NRXN1: variants seen among roughly 807,000 people sequenced by gnomAD.
NRXN1 encodes neurexin-1.
Under a neutral mutation model 150.9 loss-of-function variants are expected in NRXN1, and 39 were observed. The observed-to-expected ratio is 0.26, with a 90% CI of 0.20 to 0.34. The LOEUF (loss-of-function observed/expected upper bound fraction) is 0.34, where lower values mean the gene tolerates loss of function less well. Ranked by LOEUF, NRXN1 falls within the 10% of genes least tolerant of loss-of-function variation. The pLI, the probability that NRXN1 is intolerant of heterozygous loss-of-function variation, is 1.00. For missense variants in NRXN1, 1,815 were observed against 1,949.9 expected, an observed-to-expected ratio of 0.93 and a Z score of 1.30; for synonymous variants, 924 against 757.0, an observed-to-expected ratio of 1.22 and a Z score of -3.62.
At chr2:50,752,244 T>C (rs1700675801) in intron 5 of NRXN1, among the ~76,000 whole-genome samples, 1 of 152,012 alleles carries the variant, frequency 6.6e-6, no homozygotes, top group Non-Finnish European at 1.5e-5. Flanking sequence ...TTTATATTTG[T>C]ACAATTATTC....
intron 5 of NRXN1, among the ~76,000 whole-genome samples, chr2:50,716,185 G>A (rs2105082606): frequency 6.6e-6 from 1 of 152,256 alleles, no homozygotes; most frequent in Non-Finnish European, 1.5e-5. Flanking sequence ...ATTCCAAAAT[G>A]ATTTTCCAGT....
At chr2:50,384,086 T>C (rs1972311) in intron 17 of NRXN1, among the ~76,000 whole-genome samples, 1 of 152,102 alleles carries the variant, frequency 6.6e-6, no homozygotes, top group Non-Finnish European at 1.5e-5. Context: ...TTAAATGACT[T>C]TTTATCTGTT....
chr2:50,866,068 T>G (rs532071835), intron 5 of NRXN1, among the ~76,000 whole-genome samples: 4 of 151,960 alleles, frequency 2.6e-5, no homozygotes, highest in Admixed American at 6.6e-5. Context: ...GCCAAATTGG[T>G]CTGTCTCTGG....
intron 16 of NRXN1, among the ~76,000 whole-genome samples, chr2:50,470,876 TAGAG>T (rs1162051525): frequency 3.3e-5 from 5 of 151,742 alleles, no homozygotes; most frequent in African/African-American, 7.3e-5. Flanking sequence ...CTTGGTCTGA[TAGAG>T]AGCACAAAAG....
intron 5 of NRXN1, among the ~76,000 whole-genome samples, chr2:50,675,142 C>T (rs72837020): frequency 0.089 from 13,590 of 152,046 alleles, 679 homozygotes; most frequent in Middle Eastern, 0.13. Flanking sequence ...CAAGCAGATG[C>T]TGGCATCATG....
chr2:50,771,526 G>C (rs1490672231), intron 5 of NRXN1, among the ~76,000 whole-genome samples: 1 of 152,028 alleles, frequency 6.6e-6, no homozygotes. Context: ...TTATTTGAAA[G>C]AATAAATAGT....
intron 8 of NRXN1, among the ~76,000 whole-genome samples, chr2:50,591,978 C>T (rs1292895119): frequency 6.6e-6 from 1 of 152,150 alleles, no homozygotes; most frequent in South Asian, 2.1e-4. Flanking sequence ...AAGCAAGCCT[C>T]AAATCCGTTC....
At chr2:50,663,472 G>A (rs933372297) in intron 5 of NRXN1, among the ~76,000 whole-genome samples, 3 of 151,868 alleles carry the variant, frequency 2.0e-5, no homozygotes, top group African/African-American at 7.2e-5. Flanking sequence ...ATTCTAACCT[G>A]ACCCTATGGA....
At chr2:50,084,349 GC>G (rs1185459963) in intron 19 of NRXN1, among the ~76,000 whole-genome samples, 1 of 152,168 alleles carries the variant, frequency 6.6e-6, no homozygotes, top group Non-Finnish European at 1.5e-5. Flanking sequence ...TCCGAGCCCT[GC>G]CCCGCAGGGA....
intron 2 of NRXN1, among the ~76,000 whole-genome samples, chr2:50,997,316 C>T (rs1464150219): frequency 1.3e-5 from 2 of 151,892 alleles, no homozygotes; most frequent in African/African-American, 4.8e-5. Flanking sequence ...CACCTGTAGT[C>T]CCAGCTGCCA....
chr2:49,933,973 G>C (rs540018368), intron 22 of NRXN1, among the ~76,000 whole-genome samples: 2 of 152,176 alleles, frequency 1.3e-5, no homozygotes, highest in Non-Finnish European at 1.5e-5. Flanking sequence ...GCATTGTAGG[G>C]CATGTTGTTT....
intron 5 of NRXN1, among the ~76,000 whole-genome samples, chr2:50,879,087 A>G (rs1326955540): frequency 6.6e-6 from 1 of 151,968 alleles, no homozygotes; most frequent in Non-Finnish European, 1.5e-5. Context: ...GACTTTAAGT[A>G]GAGCAGATGA....
chr2:50,243,226 T>A (rs1001209559), intron 17 of NRXN1, among the ~76,000 whole-genome samples: 2 of 151,784 alleles, frequency 1.3e-5, no homozygotes, highest in South Asian at 4.1e-4. Flanking sequence ...ATGCTAAACA[T>A]ACCGATTTGA....
chr2:49,981,590 G>A (rs2152508412), intron 21 of NRXN1, among the ~76,000 whole-genome samples: 1 of 152,070 alleles, frequency 6.6e-6, no homozygotes, highest in Non-Finnish European at 1.5e-5. Flanking sequence ...AATATTTTAT[G>A]CAACAAGAAT....
intron 17 of NRXN1, among the ~76,000 whole-genome samples, chr2:50,338,936 C>T (rs1022508464): frequency 3.3e-5 from 5 of 152,134 alleles, no homozygotes; most frequent in African/African-American, 4.8e-5. Flanking sequence ...CTAAAATTAT[C>T]TGTTTTAAGT....
At chr2:49,999,783 T>A (rs1400239901) in intron 21 of NRXN1, among the ~76,000 whole-genome samples, 1 of 152,178 alleles carries the variant, frequency 6.6e-6, no homozygotes, top group Non-Finnish European at 1.5e-5. Context: ...ATCATCTTCA[T>A]ATTCTTTAAT....
intron 15 of NRXN1, among the ~76,000 whole-genome samples, chr2:50,489,231 A>G (rs1043894248): frequency 1.9e-4 from 29 of 152,314 alleles, no homozygotes; most frequent in African/African-American, 7.0e-4. Flanking sequence ...GTCAGAGTTC[A>G]GCTAGTGTGC....
At chr2:50,227,082 T>C (rs1181544851) in intron 18 of NRXN1, among the ~76,000 whole-genome samples, 1 of 151,664 alleles carries the variant, frequency 6.6e-6, no homozygotes, top group Non-Finnish European at 1.5e-5. Flanking sequence ...GCCATCAGAG[T>C]TTAAATACTT....
intron 5 of NRXN1, among the ~76,000 whole-genome samples, chr2:50,664,502 TA>T (rs775055100): frequency 1.5e-4 from 22 of 148,096 alleles, no homozygotes; most frequent in African/African-American, 4.4e-4. Context: ...ATTGATGATT[TA>T]AAAAAAAAAT....
Sources: gnomAD v4.1 joint callset for allele counts (sites outside exome capture counted in the v4.1 genomes callset) on GRCh38, gnomAD v4.1.1 for gene constraint, MANE v1.5 for transcripts, NCBI Gene and HGNC (gene_info 2026-07-23, HGNC 2026-07-21) for gene names.